Variants in ZRANB1 observed in about 807,000 individuals in gnomAD.
ZRANB1 encodes zinc finger RANBP2-type containing 1.
ZRANB1 carries 16 observed loss-of-function variants against 80.5 expected under a neutral mutation model. The ratio of observed to expected loss-of-function variants is 0.20; its 90% confidence interval spans 0.13 to 0.30. The LOEUF (loss-of-function observed/expected upper bound fraction) is 0.30. Among genes scored for constraint, ZRANB1 ranks in the 10% least tolerant of loss-of-function variants. The pLI is 1.00. For synonymous variants in ZRANB1, 291 were observed against 293.1 expected, an observed-to-expected ratio of 0.99 and a Z score of 0.07; for missense variants, 576 against 862.6, an observed-to-expected ratio of 0.67 and a Z score of 4.16.
chr10:124,928,174 G>A, the ZRANB1 span, among the ~76,000 whole-genome samples: 2 of 152,194 alleles, frequency 1.3e-5, no homozygotes, highest in Admixed American at 6.5e-5. Flanking sequence ...TATATAAAAC[G>A]GGGTAAGAAG....
intron 1 of ZRANB1, among the ~76,000 whole-genome samples, chr10:124,960,876 T>C (rs1951727735): frequency 6.6e-6 from 1 of 152,214 alleles, no homozygotes; most frequent in Admixed American, 6.5e-5. Context: ...AGTGTGGCAA[T>C]TGAAATTTTT....
Position 124,984,945 on chromosome 10 carries a change from A to ACAT in ZRANB1, c.2082_2084dup (p.Ser695dup). Reference sequence around the variant, plus strand: ...CCGCTACCGACAGATCCGGCCGTGTACATCCCTGTCTGATGGAGAGGAAGA... The same window carrying ACAT: ...CCGCTACCGACAGATCCGGCCGTGTACATCATCCCTGTCTGATGGAGAGGAAGA... On this transcript the variant is annotated inframe_insertion, in exon 9 of 9. Coordinates refer to ENST00000359653, the MANE Select transcript of ZRANB1 (RefSeq NM_017580.3). 6.2e-7 allele frequency: 1 copy of ACAT among 1,614,014 alleles called. No individual in the cohort carries two copies. The highest frequency in any genetic ancestry group is 1.1e-5 in the South Asian group (1 of 91,066).
intron 1 of ZRANB1, among the ~76,000 whole-genome samples, chr10:124,961,295 T>A (rs1233932257): frequency 6.6e-6 from 1 of 152,186 alleles, no homozygotes; most frequent in Non-Finnish European, 1.5e-5. Context: ...CGTGAGCCAC[T>A]GAGCCCAGCT....
intron 1 of ZRANB1, among the ~76,000 whole-genome samples, chr10:124,957,095 C>T (rs1490382022): frequency 6.6e-6 from 1 of 151,968 alleles, no homozygotes; most frequent in Admixed American, 6.6e-5. Context: ...TTGCTGTTGC[C>T]CCACCTTGTT....
At chr10:124,939,597 A>G (rs533758297), upstream of ZRANB1, among the ~76,000 whole-genome samples, 4 of 152,348 alleles carry the variant, frequency 2.6e-5, no homozygotes, top group South Asian at 8.3e-4. Context: ...TGCACCTACA[A>G]ACATAGTAAG....
the ZRANB1 span, among the ~76,000 whole-genome samples, chr10:124,924,864 TGA>T: frequency 6.6e-6 from 1 of 152,084 alleles, no homozygotes; most frequent in Non-Finnish European, 1.5e-5. Context: ...GTTTAACCTT[TGA>T]GGAACTTTCT....
At chr10:124,936,545 G>T in the ZRANB1 span, among the ~76,000 whole-genome samples, 1 of 152,324 alleles carries the variant, frequency 6.6e-6, no homozygotes, top group East Asian at 1.9e-4. Context: ...GCCCTGAAAT[G>T]AGGTTAGATT....
At chr10:124,982,005 C>T (rs566850632) in intron 6 of ZRANB1, among the ~76,000 whole-genome samples, 176 bp downstream of exon 6, 144 of 152,064 alleles carry the variant, frequency 9.5e-4, no homozygotes, top group Non-Finnish European at 2.5e-4. Flanking sequence ...TAAATAGCAT[C>T]GCAAGTATAG....
At chr10:124,945,563 A>G (rs1475434446) in intron 1 of ZRANB1, 1 of 152,128 alleles carries the variant, frequency 6.6e-6, no homozygotes. Flanking sequence ...ACTAAACCTC[A>G]CTAAAGGTCA....
the ZRANB1 span, among the ~76,000 whole-genome samples, chr10:124,922,554 A>G: frequency 6.8e-6 from 1 of 147,294 alleles, no homozygotes; most frequent in Non-Finnish European, 1.5e-5. Flanking sequence ...GTACAATGGC[A>G]CGATCTCAGC....
chr10:124,928,005 A>G, the ZRANB1 span, among the ~76,000 whole-genome samples: 1 of 152,190 alleles, frequency 6.6e-6, no homozygotes, highest in Non-Finnish European at 1.5e-5. Context: ...TCACTGCACT[A>G]CAGCCTGGGT....
chr10:124,955,001 C>A (rs113632268), intron 1 of ZRANB1, among the ~76,000 whole-genome samples: 24 of 150,812 alleles, frequency 1.6e-4, no homozygotes, highest in African/African-American at 5.8e-4. Flanking sequence ...TGGTGGCAGG[C>A]GCCCGTAGTC....
chr10:124,932,143 C>T, the ZRANB1 span, among the ~76,000 whole-genome samples: 1 of 152,190 alleles, frequency 6.6e-6, no homozygotes, highest in East Asian at 1.9e-4. Flanking sequence ...AGCTTTATAG[C>T]CCATTTGTTT....
At chr10:124,929,816 C>A in the ZRANB1 span, among the ~76,000 whole-genome samples, 2 of 151,720 alleles carry the variant, frequency 1.3e-5, no homozygotes, top group African/African-American at 4.8e-5. Context: ...TTTGGTGGCA[C>A]ACGCCTGTAG....
At chr10:124,954,609 G>A (rs1452849933) in intron 1 of ZRANB1, among the ~76,000 whole-genome samples, 1 of 149,926 alleles carries the variant, frequency 6.7e-6, no homozygotes, top group South Asian at 2.1e-4. Context: ...CACCATGCCC[G>A]TCTAATTTTT....
intron 1 of ZRANB1, among the ~76,000 whole-genome samples, chr10:124,958,450 C>G (rs891955755): frequency 1.3e-5 from 2 of 152,112 alleles, no homozygotes; most frequent in African/African-American, 4.8e-5. Flanking sequence ...TAGACTATTT[C>G]AGAGATAAGA....
At chr10:124,949,444 C>CAT (rs61331894) in intron 1 of ZRANB1, among the ~76,000 whole-genome samples, 2 of 89,216 alleles carry the variant, frequency 2.2e-5, no homozygotes, top group South Asian at 4.1e-4. Flanking sequence ...TGTTTACACA[C>CAT]ATATGTATAT....
chr10:124,958,045 T>C (rs1951701326), intron 1 of ZRANB1, among the ~76,000 whole-genome samples: 1 of 152,248 alleles, frequency 6.6e-6, no homozygotes, highest in African/African-American at 2.4e-5. Flanking sequence ...TTCCTTCCTT[T>C]TTGAGACTGA....
the ZRANB1 span, among the ~76,000 whole-genome samples, chr10:124,926,893 A>C: frequency 6.6e-6 from 1 of 152,104 alleles, no homozygotes; most frequent in African/African-American, 2.4e-5. Flanking sequence ...TCTTATGGGG[A>C]CTACTGTCAC....
Sources: gnomAD v4.1 joint callset for allele counts (sites outside exome capture counted in the v4.1 genomes callset) on GRCh38, gnomAD v4.1.1 for gene constraint, MANE v1.5 for transcripts, NCBI Gene and HGNC (gene_info 2026-07-23, HGNC 2026-07-21) for gene names.